PDE4D: variants seen among roughly 807,000 people sequenced by gnomAD.
PDE4D encodes the protein 3',5'-cyclic-AMP phosphodiesterase 4D.
A neutral mutation model predicts 87.4 loss-of-function variants in PDE4D; 24 were observed. That is an observed-to-expected ratio of 0.27 (90% CI 0.20 to 0.39). The LOEUF is 0.39. PDE4D is among the 10% of genes least tolerant of loss of function. The pLI is 1.00. For missense variants in PDE4D, 714 were observed against 1,041.0 expected, an observed-to-expected ratio of 0.69 and a Z score of 4.32; for synonymous variants, 384 against 383.2, an observed-to-expected ratio of 1.00 and a Z score of -0.02.
Position 59,189,253 on chromosome 5 carries a change from G to GTTTTT in PDE4D, c.685-3996_685-3992dup, listed in dbSNP as rs5868167. On this transcript the variant is annotated intron_variant, in intron 3 of 14. Transcript: ENST00000340635. ...CCCCGTTTTTTTTTTTGTTTTTTTT[G>GTTTTT]TTTTTTTTTTTTTGAGACGGAGTTT... Among the ~76,000 whole-genome samples, 7 of 120,846 alleles carry GTTTTT rather than the reference G, an allele frequency of 5.8e-5. 1 individual carries two copies. The highest frequency in any genetic ancestry group is 9.7e-5 in the Non-Finnish European group (6 of 62,022). The allele number at this position is 120,846 out of a possible 152,430, so 79.3% of individuals were successfully genotyped here. A position where few individuals can be genotyped will look rare whatever the true frequency, so the allele number is the denominator to read the frequency against.
chr5:59,299,119 A>C (rs776393352), intron 1 of PDE4D, among the ~76,000 whole-genome samples: 1 of 152,184 alleles, frequency 6.6e-6, no homozygotes, highest in African/African-American at 2.4e-5. Flanking sequence ...TATTACAAAG[A>C]CCAGTAGCTC....
At chr5:59,285,722 A>G (rs948394471) in intron 1 of PDE4D, among the ~76,000 whole-genome samples, 1 of 152,208 alleles carries the variant, frequency 6.6e-6, no homozygotes, top group Non-Finnish European at 1.5e-5. Context: ...TTGAATTCTA[A>G]TAGGAACCTT....
intron 2 of PDE4D, among the ~76,000 whole-genome samples, chr5:59,213,709 G>C (rs796089460): frequency 2.0e-5 from 3 of 151,970 alleles, no homozygotes; most frequent in Admixed American, 6.6e-5. Flanking sequence ...GGCTCCTAAT[G>C]CTATTACCTG....
chr5:59,965,002 A>T (rs1581940138), intron 3 of PDE4D, among the ~76,000 whole-genome samples: 1 of 152,092 alleles, frequency 6.6e-6, no homozygotes, highest in South Asian at 2.1e-4. Context: ...TTAAAGTTTT[A>T]AAAAAAGAAC....
intron 1 of PDE4D, among the ~76,000 whole-genome samples, chr5:59,388,037 T>C (rs1562084551): frequency 1.3e-5 from 2 of 152,100 alleles, no homozygotes; most frequent in South Asian, 2.1e-4. Context: ...AATGAGATCA[T>C]GTGGTGGTTG....
chr5:59,651,052 G>C (rs186763882), intron 1 of PDE4D, among the ~76,000 whole-genome samples: 1 of 151,816 alleles, frequency 6.6e-6, no homozygotes, highest in African/African-American at 2.4e-5. Flanking sequence ...TCAGGAGATC[G>C]AGACCATCCT....
intron 2 of PDE4D, among the ~76,000 whole-genome samples, chr5:60,067,613 A>G (rs1772246768): frequency 6.6e-6 from 1 of 152,168 alleles, no homozygotes; most frequent in Non-Finnish European, 1.5e-5. Context: ...TGTACAATAC[A>G]TTATTGTTGA....
intron 1 of PDE4D, among the ~76,000 whole-genome samples, chr5:59,230,306 G>C (rs1317546532): frequency 6.6e-6 from 1 of 152,118 alleles, no homozygotes; most frequent in Non-Finnish European, 1.5e-5. Context: ...GGAATGGGGA[G>C]TGATTCCATT....
chr5:59,278,291 G>A (rs898021331), intron 1 of PDE4D, among the ~76,000 whole-genome samples: 1 of 151,886 alleles, frequency 6.6e-6, no homozygotes, highest in Non-Finnish European at 1.5e-5. Flanking sequence ...CATTTCCCTC[G>A]AAATTCCTGT....
chr5:59,768,560 C>T (rs1190736768), intron 1 of PDE4D: 3 of 1,588,392 alleles, frequency 1.9e-6, no homozygotes, highest in African/African-American at 1.3e-5. Context: ...AACGTGGTTC[C>T]CTCGCTCACG....
At chr5:59,044,265 G>T (rs1156456551) in intron 5 of PDE4D, among the ~76,000 whole-genome samples, 1 of 152,134 alleles carries the variant, frequency 6.6e-6, no homozygotes, top group Non-Finnish European at 1.5e-5. Context: ...GTGTGAGATG[G>T]TATCTCATTG....
At chr5:60,254,285 C>T (rs1748803653) in intron 1 of PDE4D, among the ~76,000 whole-genome samples, 1 of 151,902 alleles carries the variant, frequency 6.6e-6, no homozygotes, top group African/African-American at 2.4e-5. Flanking sequence ...GGTTTCATGA[C>T]ACCTTTTAAG....
chr5:59,466,242 T>C (rs540255628), intron 1 of PDE4D, among the ~76,000 whole-genome samples: 4 of 152,220 alleles, frequency 2.6e-5, no homozygotes, highest in African/African-American at 9.6e-5. Context: ...GAATTAAGTA[T>C]GACTTCAGAA....
chr5:59,189,214 T>C (rs1743632293), intron 3 of PDE4D, among the ~76,000 whole-genome samples: 2 of 151,198 alleles, frequency 1.3e-5, no homozygotes, highest in African/African-American at 4.9e-5. Context: ...GGTAAAGAGA[T>C]GTAGTTGTTC....
intron 1 of PDE4D, among the ~76,000 whole-genome samples, chr5:59,848,894 T>C (rs937091295): frequency 6.6e-6 from 1 of 151,950 alleles, no homozygotes; most frequent in African/African-American, 2.4e-5. Flanking sequence ...GCAGAACCTA[T>C]TTCGTTGACT....
At chr5:59,878,237 C>A (rs1031653070) in intron 1 of PDE4D, among the ~76,000 whole-genome samples, 5 of 152,126 alleles carry the variant, frequency 3.3e-5, no homozygotes, top group Non-Finnish European at 7.4e-5. Flanking sequence ...ATATATCTAC[C>A]TATGCTTTCA....
At chr5:59,728,209 A>G (rs1158518043) in intron 1 of PDE4D, among the ~76,000 whole-genome samples, 1 of 152,094 alleles carries the variant, frequency 6.6e-6, no homozygotes, top group African/African-American at 2.4e-5. Flanking sequence ...TTAAGACTTG[A>G]GCTCTGATCT....
chr5:59,266,210 T>A (rs1762831067), intron 1 of PDE4D, among the ~76,000 whole-genome samples: 1 of 151,874 alleles, frequency 6.6e-6, no homozygotes, highest in African/African-American at 2.4e-5. Flanking sequence ...GTGCATATGA[T>A]CACACCTGTA....
chr5:60,515,097 C>T (rs572247193), intron 1 of PDE4D, among the ~76,000 whole-genome samples: 6 of 152,188 alleles, frequency 3.9e-5, no homozygotes, highest in Non-Finnish European at 7.4e-5. Context: ...ATACATCTAA[C>T]AAAAGATGTA....
Sources: allele counts gnomAD v4.1 joint callset (sites outside exome capture counted in the v4.1 genomes callset), GRCh38; gene constraint gnomAD v4.1.1; transcripts MANE v1.5; gene names NCBI Gene and HGNC (gene_info 2026-07-23, HGNC 2026-07-21).